The following SMARCC1 variants were observed in gnomAD, a reference collection of about 807,000 sequenced individuals.
SMARCC1 encodes the protein SWI/SNF complex subunit SMARCC1.
A neutral mutation model predicts 147.4 loss-of-function variants in SMARCC1; 43 were observed. That is an observed-to-expected ratio of 0.29 (90% CI 0.23 to 0.38). SMARCC1 has a LOEUF of 0.38. SMARCC1 is among the 10% of genes least tolerant of loss of function. The pLI is 1.00. For synonymous variants in SMARCC1, 495 were observed against 484.4 expected (o/e 1.02, Z -0.29); for missense variants, 1,119 against 1,381.1 (o/e 0.81, Z 3.01).
In SMARCC1 at chr3:47,610,195, G is replaced by A. The variant is rs2032543362; in HGVS notation, c.2914C>T (p.Gln972Ter). The A allele has an allele frequency of 6.2e-7, 1 of 1,614,048 alleles. No homozygotes were observed. Among genetic ancestry groups the A allele is most frequent in the Admixed American group, 1.7e-5 (1 of 60,006 alleles). Residue 972 changes from glutamine (Q) to a stop codon, truncating the protein, a stop_gained, in exon 26 of 28, where the codon CAG (glutamine) becomes TAG (stop). Coordinates refer to ENST00000254480, the MANE Select transcript of SMARCC1 (RefSeq NM_003074.4). LOFTEE classifies it high-confidence loss of function. The part of the protein sequence containing the change: ...QHGQNPQQAH[Q>*]HSGGPGLAPL... ...GCCAGGCCAGGTCCTCCTGAGTGCT[G>A]GTGTGCCTGTTGAGGGTTCTGGCCA... is the stretch of plus-strand genomic sequence containing the variant.
At chr3:47,588,718 C>A (rs1235444240) in intron 27 of SMARCC1, among the ~76,000 whole-genome samples, 1 of 127,778 alleles carries the variant, frequency 7.8e-6, no homozygotes, top group Non-Finnish European at 1.6e-5. Flanking sequence ...CCCCCCGCCC[C>A]CACAGTCCCT....
chr3:47,632,661 AGAG>A (rs2032908388), intron 24 of SMARCC1, among the ~76,000 whole-genome samples: 1 of 152,150 alleles, frequency 6.6e-6, no homozygotes. Flanking sequence ...AAAAATTTAA[AGAG>A]GAGAAATAAT....
At chr3:47,598,840 A>C (rs2032340401) in intron 26 of SMARCC1, among the ~76,000 whole-genome samples, 1 of 141,068 alleles carries the variant, frequency 7.1e-6, no homozygotes, top group African/African-American at 2.7e-5. Flanking sequence ...AAAAAAAAAA[A>C]AAAAAAAAAA....
intron 2 of SMARCC1, among the ~76,000 whole-genome samples, chr3:47,765,118 G>A (rs978306978): frequency 2.0e-5 from 3 of 152,182 alleles, no homozygotes; most frequent in Admixed American, 6.6e-5. Flanking sequence ...GGGCGTGGTG[G>A]CGCATGCCTG....
intron 6 of SMARCC1, among the ~76,000 whole-genome samples, chr3:47,726,374 T>A (rs962224306): frequency 1.3e-5 from 2 of 151,274 alleles, no homozygotes; most frequent in African/African-American, 4.9e-5. Flanking sequence ...TAGCTCTACA[T>A]GGTGGAACGC....
chr3:47,754,360 G>A (rs891975436), intron 2 of SMARCC1, among the ~76,000 whole-genome samples: 4 of 151,892 alleles, frequency 2.6e-5, no homozygotes, highest in South Asian at 2.1e-4. Context: ...GCACCACCAC[G>A]CCCAGCTAAT....
At chr3:47,706,342 G>C in intron 10 of SMARCC1, 67 bp downstream of exon 10, 1 of 1,401,326 alleles carries the variant, frequency 7.1e-7, no homozygotes, top group Non-Finnish European at 9.3e-7. Context: ...AAAGTGCTGG[G>C]ATTATAAGTG....
chr3:47,738,490 C>T (rs1322142156), intron 3 of SMARCC1, among the ~76,000 whole-genome samples: 1 of 152,064 alleles, frequency 6.6e-6, no homozygotes, highest in African/African-American at 2.4e-5. Context: ...TCAAGACCAG[C>T]CTGGCCAACG....
At chr3:47,629,697 GGC>G (rs2032861542) in intron 24 of SMARCC1, among the ~76,000 whole-genome samples, 1 of 152,098 alleles carries the variant, frequency 6.6e-6, no homozygotes, top group East Asian at 1.9e-4. Context: ...TCTCAGCCGA[GGC>G]ATAGGCATAT....
chr3:47,590,012 A>C (rs982901581), intron 27 of SMARCC1, among the ~76,000 whole-genome samples: 2 of 152,222 alleles, frequency 1.3e-5, no homozygotes, highest in Non-Finnish European at 2.9e-5. Flanking sequence ...AAGGCAGGCC[A>C]GGGTCTCAGA....
chr3:47,719,170 T>C (rs1205650837), intron 7 of SMARCC1, among the ~76,000 whole-genome samples: 2 of 152,078 alleles, frequency 1.3e-5, no homozygotes, highest in African/African-American at 4.8e-5. Flanking sequence ...CGCCTTGGCC[T>C]CCCAAAGTAC....
chr3:47,595,212 C>T (rs1007604732), intron 26 of SMARCC1, among the ~76,000 whole-genome samples: 3 of 151,992 alleles, frequency 2.0e-5, no homozygotes, highest in South Asian at 2.1e-4. Flanking sequence ...AGTTTGTGTA[C>T]GGGTTAAAAA....
intron 9 of SMARCC1, among the ~76,000 whole-genome samples, chr3:47,707,763 G>GT (rs1368923636): frequency 1.3e-5 from 2 of 152,028 alleles, no homozygotes; most frequent in Non-Finnish European, 2.9e-5. Flanking sequence ...TCTGTGGCCC[G>GT]AATTACTCAG....
chr3:47,670,371 G>T, intron 19 of SMARCC1: 1 of 377,906 alleles, frequency 2.6e-6, no homozygotes, highest in Non-Finnish European at 4.8e-6. Flanking sequence ...GATTGCTTGA[G>T]TCCAGGAGTT....
chr3:47,744,337 G>A (rs996171823), intron 3 of SMARCC1, among the ~76,000 whole-genome samples: 1 of 152,060 alleles, frequency 6.6e-6, no homozygotes, highest in African/African-American at 2.4e-5. Flanking sequence ...TAGAGACAGG[G>A]TTTCGCCATG....
chr3:47,717,744 T>C (rs1056375366), intron 7 of SMARCC1, among the ~76,000 whole-genome samples: 2 of 151,954 alleles, frequency 1.3e-5, no homozygotes, highest in African/African-American at 4.8e-5. Context: ...TTTTTGTATT[T>C]TTTGTAGAGA....
intron 2 of SMARCC1, among the ~76,000 whole-genome samples, chr3:47,772,252 C>T (rs1576438037): frequency 6.6e-6 from 1 of 152,008 alleles, no homozygotes; most frequent in South Asian, 2.1e-4. Context: ...CACCCATATG[C>T]GCGTGGTAGC....
intron 13 of SMARCC1, 120 bp downstream of exon 13, chr3:47,689,267 C>CA (rs2033764117): frequency 5.4e-6 from 4 of 738,114 alleles, no homozygotes; most frequent in Non-Finnish European, 9.2e-6. Flanking sequence ...AAAAAAAATT[C>CA]AAAAACCAGA....
intron 24 of SMARCC1, among the ~76,000 whole-genome samples, chr3:47,627,654 T>C (rs1185429541): frequency 1.3e-5 from 2 of 152,162 alleles, no homozygotes; most frequent in Non-Finnish European, 2.9e-5. Flanking sequence ...ATGGTATTTA[T>C]AGTAGGACTT....
Sources: allele counts gnomAD v4.1 joint callset (sites outside exome capture counted in the v4.1 genomes callset), GRCh38; gene constraint gnomAD v4.1.1; transcripts MANE v1.5; gene names NCBI Gene and HGNC (gene_info 2026-07-23, HGNC 2026-07-21).